The following MYT1L variants were observed in gnomAD, a reference collection of about 807,000 sequenced individuals.
The protein encoded by MYT1L is myelin transcription factor 1 like.
A neutral mutation model predicts 126.7 loss-of-function variants in MYT1L; 12 were observed. The observed-to-expected ratio is 0.09, with a 90% CI of 0.06 to 0.15. The LOEUF (loss-of-function observed/expected upper bound fraction) is 0.15, where lower values mean the gene tolerates loss of function less well. MYT1L is among the 10% of genes least tolerant of loss of function. The pLI is 1.00. For missense variants in MYT1L, 979 were observed against 1,585.2 expected (o/e 0.62, Z 6.49); for synonymous variants, 541 against 604.2 (o/e 0.90, Z 1.53).
At chr2:1,804,584 T>A (rs2035396261) in intron 22 of MYT1L, among the ~76,000 whole-genome samples, 1 of 152,146 alleles carries the variant, frequency 6.6e-6, no homozygotes, top group African/African-American at 2.4e-5. Context: ...AGCAAACAAA[T>A]CCTACTCAAA....
At chr2:2,005,927 CGTTCTTTCCTGCATGT>C (rs1323865062) in intron 4 of MYT1L, among the ~76,000 whole-genome samples, 10 of 145,636 alleles carry the variant, frequency 6.9e-5, no homozygotes, top group South Asian at 2.2e-4. Context: ...TTCCTGCATG[CGTTCTTTCCTGCATGT>C]GTTCTTTCCT....
At chr2:2,050,214 G>A (rs1289500735) in intron 4 of MYT1L, among the ~76,000 whole-genome samples, 2 of 152,078 alleles carry the variant, frequency 1.3e-5, no homozygotes, top group Non-Finnish European at 2.9e-5. Flanking sequence ...ACAAGTGATC[G>A]CTGGCAGTTT....
intron 2 of MYT1L, among the ~76,000 whole-genome samples, chr2:2,196,703 G>C (rs1007980787): frequency 6.6e-6 from 1 of 151,814 alleles, no homozygotes; most frequent in African/African-American, 2.4e-5. Context: ...ATTTTAGAAA[G>C]TCAATAAAAC....
Position 2,141,735 on chromosome 2 carries a change from G to C in MYT1L, c.-304+31137C>G, listed in dbSNP as rs150072572. ...TTTTACAAGTAACCCTACGTCATGG[G>C]GCCAGGACAGATGAATAAGCTGTAG... On this transcript the variant is annotated intron_variant, in intron 3 of 24. Coordinates refer to ENST00000647738, the MANE Select transcript of MYT1L (RefSeq NM_001303052.2). 1.1e-3 allele frequency among the ~76,000 whole-genome samples: 174 copies of C among 152,222 alleles called. 1 individual carries two copies. The highest frequency in any genetic ancestry group is 3.6e-3 in the African/African-American group (148 of 41,544).
intron 3 of MYT1L, among the ~76,000 whole-genome samples, chr2:2,098,838 T>C (rs1303883344): frequency 6.6e-6 from 1 of 152,022 alleles, no homozygotes; most frequent in Non-Finnish European, 1.5e-5. Context: ...CACCCTACGG[T>C]GAAATTAAGT....
At chr2:2,287,843 A>T (rs1370140397) in intron 1 of MYT1L, among the ~76,000 whole-genome samples, 1 of 152,206 alleles carries the variant, frequency 6.6e-6, no homozygotes, top group African/African-American at 2.4e-5. Context: ...TAGCAATGAA[A>T]CTCAAACTCT....
intron 3 of MYT1L, among the ~76,000 whole-genome samples, chr2:2,140,183 G>A (rs761310156): frequency 2.0e-5 from 3 of 152,084 alleles, no homozygotes; most frequent in Non-Finnish European, 4.4e-5. Flanking sequence ...ATACATTGAT[G>A]AGCATTACTG....
intron 1 of MYT1L, among the ~76,000 whole-genome samples, chr2:2,323,732 C>T (rs1452095247): frequency 2.0e-5 from 3 of 152,138 alleles, no homozygotes; most frequent in African/African-American, 7.2e-5. Flanking sequence ...TCACTGTGTG[C>T]TAATTTCCAC....
intron 18 of MYT1L, chr2:1,885,257 C>G (rs2048030308): frequency 6.6e-6 from 1 of 152,648 alleles, no homozygotes; most frequent in Non-Finnish European, 1.5e-5. Context: ...GACGCCTGAA[C>G]AAAGTGGGTT....
intron 3 of MYT1L, among the ~76,000 whole-genome samples, chr2:2,057,865 C>T (rs972204909): frequency 1.3e-5 from 2 of 152,134 alleles, no homozygotes; most frequent in African/African-American, 4.8e-5. Flanking sequence ...GGGCTATTTC[C>T]AGTTTTTGGC....
chr2:2,039,402 C>CAA lies in MYT1L; in HGVS notation c.-158+14574_-158+14575dup, dbSNP rs796884702. 2.9e-3 allele frequency among the ~76,000 whole-genome samples: 405 copies of CAA among 141,460 alleles called. 6 individuals are homozygous for CAA. The highest frequency in any genetic ancestry group is 0.01 in the African/African-American group (394 of 38,894). The allele number at this position is 141,460 out of a possible 152,430, so 92.8% of individuals were successfully genotyped here. A position where few individuals can be genotyped will look rare whatever the true frequency, so the allele number is the denominator to read the frequency against. ...AGGGCAACAGAATGAGACCCACTTT[C>CAA]AAAAAAAAAAAAATCTACATATGAC... On this transcript the variant is annotated intron_variant, in intron 4 of 24. Transcript: ENST00000647738.
chr2:1,954,918 A>G lies in MYT1L; in HGVS notation c.153-11584T>C, dbSNP rs1409406720. Among the ~76,000 whole-genome samples the G allele has an allele frequency of 2.0e-5, 3 of 152,132 alleles. No individual in the cohort carries two copies. In the East Asian group the frequency reaches 5.8e-4, roughly 29 times the overall value. On this transcript the variant is annotated intron_variant, in intron 8 of 24. Transcript: ENST00000647738. ...CTGTCTCTACTTAATAAAAAAAGAA[A>G]GAAAGAAAGAGAAAGTGAGAGAGAG...
intron 8 of MYT1L, among the ~76,000 whole-genome samples, chr2:1,950,086 G>A (rs1318293339): frequency 2.6e-5 from 4 of 151,872 alleles, no homozygotes; most frequent in African/African-American, 9.7e-5. Flanking sequence ...AAACCCTCTC[G>A]GTGACCCTGT....
chr2:2,164,598 G>T (rs777641210), intron 3 of MYT1L, among the ~76,000 whole-genome samples: 2 of 152,144 alleles, frequency 1.3e-5, no homozygotes, highest in African/African-American at 4.8e-5. Flanking sequence ...CTCACATAGG[G>T]TAGCCACCCC....
chr2:2,287,835 G>A (rs761585435), intron 1 of MYT1L, among the ~76,000 whole-genome samples: 34 of 152,224 alleles, frequency 2.2e-4, no homozygotes, highest in Non-Finnish European at 4.6e-4. Flanking sequence ...AATTGTAATA[G>A]CAATGAAACT....
chr2:2,055,224 G>A (rs1558869563), intron 3 of MYT1L, among the ~76,000 whole-genome samples: 1 of 152,080 alleles, frequency 6.6e-6, no homozygotes, highest in Non-Finnish European at 1.5e-5. Flanking sequence ...GAAGCATACG[G>A]GATGTATCTG....
chr2:2,153,511 G>A (rs1241558541), intron 3 of MYT1L, among the ~76,000 whole-genome samples: 3 of 152,300 alleles, frequency 2.0e-5, no homozygotes, highest in African/African-American at 4.8e-5. Context: ...ATGTGGGGGC[G>A]CAGGGGCTGA....
intron 18 of MYT1L, among the ~76,000 whole-genome samples, chr2:1,854,686 C>T (rs1382221775): frequency 6.6e-6 from 1 of 152,160 alleles, no homozygotes; most frequent in Non-Finnish European, 1.5e-5. Context: ...AAGGATTGTT[C>T]TCATTTCCAG....
intron 18 of MYT1L, among the ~76,000 whole-genome samples, chr2:1,883,555 A>C (rs2047827639): frequency 6.6e-6 from 1 of 152,090 alleles, no homozygotes; most frequent in Admixed American, 6.5e-5. Context: ...CAAAACTCTA[A>C]TTTGCACAAA....
Sources: allele counts gnomAD v4.1 joint callset (sites outside exome capture counted in the v4.1 genomes callset), GRCh38; gene constraint gnomAD v4.1.1; transcripts MANE v1.5; gene names NCBI Gene and HGNC (gene_info 2026-07-23, HGNC 2026-07-21).